The following ZNF138 variants were observed in gnomAD, a reference collection of about 807,000 sequenced individuals.
The protein encoded by ZNF138 is zinc finger protein 138 (clone pHZ-32).
In ZNF138, 33 loss-of-function variants were observed where a neutral mutation model predicts 33.0. The ratio of observed to expected loss-of-function variants is 1.00; its 90% CI spans 0.76 to 1.34. The LOEUF is 1.34. ZNF138 is among the 40% of genes most tolerant of loss of function. The pLI is 0.00. For missense variants in ZNF138, 360 were observed against 370.8 expected (o/e 0.97, Z 0.24); for synonymous variants, 139 against 120.4 (o/e 1.15, Z -1.01).
chr7:64,854,870 T>G, the ZNF138 span, among the ~76,000 whole-genome samples: 1 of 152,208 alleles, frequency 6.6e-6, no homozygotes, highest in Non-Finnish European at 1.5e-5. Context: ...GGTAGGAAAA[T>G]GCATACTATA....
rs1179583680 is a variant in ZNF138 at position 64,832,566 on chromosome 7, A to G, written c.*364A>G. ...TCTTATTACACATAAGATAATTCAC[A>G]GTGGAGAAAAACCCTACAAATGTGA... On this transcript the variant is annotated 3_prime_UTR_variant, in exon 4 of 4. Coordinates refer to ENST00000307355, the MANE Select transcript of ZNF138 (RefSeq NM_001271639.2). The G allele has an allele frequency of 3.1e-4, 181 of 582,266 alleles. No individual in the cohort carries two copies. The highest frequency in any genetic ancestry group is 1.4e-4 in the Non-Finnish European group (47 of 336,664). The allele number at this position is 582,266 out of a possible 1,614,324, so 36.1% of individuals were successfully genotyped here. A position where few individuals can be genotyped will look rare whatever the true frequency, so the allele number is the denominator to read the frequency against.
At chr7:64,797,009 G>C (rs112821241) in intron 1 of ZNF138, among the ~76,000 whole-genome samples, 9,241 of 151,534 alleles carry the variant, frequency 0.061, 317 homozygotes, top group East Asian at 0.14. Flanking sequence ...GAGATCGTGC[G>C]GCTGCACTCC....
chr7:64,860,295 A>C, the ZNF138 span, among the ~76,000 whole-genome samples: 71,301 of 152,024 alleles, frequency 0.47, 16,928 homozygotes, highest in Middle Eastern at 0.51. Flanking sequence ...CATTTAAAAT[A>C]TTTTTATACC....
the ZNF138 span, among the ~76,000 whole-genome samples, chr7:64,860,744 G>A: frequency 6.6e-6 from 1 of 152,250 alleles, no homozygotes; most frequent in Non-Finnish European, 1.5e-5. Flanking sequence ...AGCATTGTAA[G>A]TAACAATGAA....
At chr7:64,848,189 G>C in the ZNF138 span, among the ~76,000 whole-genome samples, 1 of 151,398 alleles carries the variant, frequency 6.6e-6, no homozygotes, top group South Asian at 2.1e-4. Flanking sequence ...ATCTTTTCTA[G>C]CTTGTAGGGT....
chr7:64,824,398 A>C (rs976949536), intron 3 of ZNF138, among the ~76,000 whole-genome samples: 1 of 152,350 alleles, frequency 6.6e-6, no homozygotes, highest in Non-Finnish European at 1.5e-5. Flanking sequence ...CAGTCTGCCA[A>C]ACTGTGAGCA....
Position 64,804,541 on chromosome 7 carries a change from G to A in ZNF138, c.3+9970G>A, listed in dbSNP as rs138947332. On this transcript the variant is annotated intron_variant, in intron 1 of 3. Coordinates refer to ENST00000307355, the MANE Select transcript of ZNF138 (RefSeq NM_001271639.2). The stretch of plus-strand genomic sequence containing the variant: ...TGTCTGCAGCTTGTCCTGCTACAGG[G>A]AGAGGCGGAGGTGGGTGGATCATTG... 1.3e-3 allele frequency among the ~76,000 whole-genome samples: 191 copies of A among 149,886 alleles called. 1 individual carries two copies. Among genetic ancestry groups the A allele is most frequent in the African/African-American group, 4.1e-3 (166 of 40,766 alleles).
At chr7:64,825,504 T>A (rs1323208280) in intron 3 of ZNF138, among the ~76,000 whole-genome samples, 3 of 150,760 alleles carry the variant, frequency 2.0e-5, no homozygotes, top group Admixed American at 6.6e-5. Flanking sequence ...CTCGGGCATT[T>A]TCTTTTTCTT....
chr7:64,846,205 A>T, the ZNF138 span, among the ~76,000 whole-genome samples: 1 of 152,122 alleles, frequency 6.6e-6, no homozygotes. Context: ...TGATGCCTTC[A>T]GATTTGTTGG....
chr7:64,812,850 CTTTTTT>C (rs34197599), intron 1 of ZNF138, among the ~76,000 whole-genome samples: 1 of 142,072 alleles, frequency 7.0e-6, no homozygotes, highest in Non-Finnish European at 1.5e-5. Context: ...AAAAAATTGC[CTTTTTT>C]TTTTTTTTTT....
the ZNF138 span, chr7:64,853,423 A>G: frequency 9.8e-6 from 8 of 818,306 alleles, no homozygotes; most frequent in Admixed American, 2.4e-5. Context: ...TGGGTTCTTT[A>G]TGGATCCACC....
chr7:64,821,078 T>TG (rs1789104643), intron 3 of ZNF138, among the ~76,000 whole-genome samples: 1 of 150,606 alleles, frequency 6.6e-6, no homozygotes, highest in African/African-American at 2.5e-5. Context: ...TTGTTTTGTT[T>TG]TTTGTTTGTT....
the ZNF138 span, chr7:64,852,858 G>A: frequency 1.2e-6 from 1 of 861,548 alleles, no homozygotes; most frequent in Non-Finnish European, 2.0e-6. Context: ...ACAATCCAGG[G>A]GTTTAGTACT....
At chr7:64,830,902 G>C in intron 3 of ZNF138, 1 of 1,530,296 alleles carries the variant, frequency 6.5e-7, no homozygotes, top group Non-Finnish European at 8.8e-7. Context: ...TTAATAGTCA[G>C]TAGTCACTTG....
At chr7:64,837,375 A>T (rs1272077582), downstream of ZNF138, among the ~76,000 whole-genome samples, 1 of 152,008 alleles carries the variant, frequency 6.6e-6, no homozygotes, top group East Asian at 1.9e-4. Flanking sequence ...GTCTGGGCTG[A>T]GCGGTCCGGG....
chr7:64,800,340 T>C (rs940055944), intron 1 of ZNF138, among the ~76,000 whole-genome samples: 1 of 152,220 alleles, frequency 6.6e-6, no homozygotes, highest in Non-Finnish European at 1.5e-5. Context: ...CTTGGATAAC[T>C]TGTTATTTTG....
chr7:64,851,359 A>G, the ZNF138 span, among the ~76,000 whole-genome samples: 14 of 152,284 alleles, frequency 9.2e-5, no homozygotes, highest in South Asian at 1.0e-3. Context: ...ATTTATTTGA[A>G]TAACAAGTTT....
the ZNF138 span, chr7:64,853,300 G>A: frequency 2.7e-5 from 44 of 1,610,908 alleles, 1 homozygote; most frequent in Middle Eastern, 5.1e-4. Context: ...CTGGTTAGCC[G>A]GAAGCTTTTG....
rs749460601 is a variant in ZNF138 at position 64,831,520 on chromosome 7, C to T, written c.278C>T (p.Thr93Ile). The part of the protein sequence containing the change: ...QNIKDSFQKV[T>I]LSRYGKYGHK... ...ATAAAAGATTCTTTCCAAAAAGTGA[C>T]ACTGAGCAGATATGGAAAATATGGA... The change falls in exon 4 of 4, where the codon ACA (threonine) becomes ATA (isoleucine). Residue 93 changes from threonine to isoleucine, a missense_variant. Thr to Ile is a moderately conservative substitution (Grantham distance 89). Transcript: ENST00000307355. The T allele has an allele frequency of 5.6e-6, 9 of 1,610,108 alleles. No individual in the cohort carries two copies. In the East Asian group the frequency reaches 1.6e-4, roughly 28 times the overall value.
Sources: gnomAD v4.1 joint callset for allele counts (sites outside exome capture counted in the v4.1 genomes callset) on GRCh38, gnomAD v4.1.1 for gene constraint, MANE v1.5 for transcripts, NCBI Gene and HGNC (gene_info 2026-07-23, HGNC 2026-07-21) for gene names.